Variants in RBM44 observed in about 807,000 individuals in gnomAD.
The protein encoded by RBM44 is RNA-binding protein 44.
A neutral mutation model predicts 105.1 loss-of-function variants in RBM44; 66 were observed. The ratio of observed to expected loss-of-function variants is 0.63; its 90% CI spans 0.52 to 0.77. RBM44 has a LOEUF of 0.77. Ranked by LOEUF, RBM44 falls within the 30% of genes least tolerant of loss-of-function variation. RBM44 has a pLI of 0.00. For missense variants in RBM44, 1,122 were observed against 1,207.8 expected, an observed-to-expected ratio of 0.93 and a Z score of 1.05; for synonymous variants, 365 against 417.6, an observed-to-expected ratio of 0.87 and a Z score of 1.54.
rs144084590 is a variant in RBM44 at position 237,802,949 on chromosome 2, A to G, written c.-19+4088A>G. On this transcript the variant is annotated intron_variant, in intron 1 of 15. Transcript: ENST00000316997. ...ATTCTAGTTTGTCCACATCCTCACC[A>G]ATATCTGGTGTTAGCACTCTTTTAA... Among the ~76,000 whole-genome samples the G allele has an allele frequency of 4.2e-3, 646 of 152,284 alleles. 3 individuals carry two copies. The highest frequency in any genetic ancestry group is 0.015 in the African/African-American group (618 of 41,564).
At chr2:237,807,269 C>T (rs2061608879) in intron 1 of RBM44, among the ~76,000 whole-genome samples, 1 of 152,142 alleles carries the variant, frequency 6.6e-6, no homozygotes, top group Non-Finnish European at 1.5e-5. Flanking sequence ...CTGCCTCAGC[C>T]TCCCTAGTAG....
Position 237,818,542 on chromosome 2 carries a change from A to G in RBM44, c.1623A>G (p.Ser541=), listed in dbSNP as rs183251955. The G allele has an allele frequency of 2.5e-6, 4 of 1,596,826 alleles. No individual in the cohort carries two copies. The East Asian group carries it at 6.7e-5, about 27-fold the overall frequency. The change falls in exon 3 of 16, where the codon TCA becomes TCG. Residue 541 remains serine, a synonymous_variant. Transcript: ENST00000316997. This position sits in a 1 kb window ranked among gnomAD's most constrained non-coding sequence, Gnocchi z 4.6. The part of the protein sequence containing the change: ...IDTQMAITKG[S]GKSLSVDSLK... The stretch of plus-strand genomic sequence containing the variant: ...CACAGATGGCTATAACAAAAGGATC[A>G]GGAAAATCTCTCTCCGTTGACAGTT...
intron 1 of RBM44, among the ~76,000 whole-genome samples, chr2:237,804,770 G>A (rs942304925): frequency 5.9e-5 from 9 of 152,086 alleles, no homozygotes; most frequent in Non-Finnish European, 1.2e-4. Context: ...TGTTGATAGT[G>A]TCTTTTGCTG....
At position 237,833,992 on chromosome 2, in the gene RBM44, T is replaced by C. The variant is rs142659174; in HGVS notation, c.2887-5T>C. ...TTTAAGAAAACTTTTTAAATGCTTATTTAGGGTGTCAAGAAGAATTGTAAG... is the reference window on the plus strand; with the variant it reads ...TTTAAGAAAACTTTTTAAATGCTTACTTAGGGTGTCAAGAAGAATTGTAAG... On this transcript the variant is annotated splice_region_variant and splice_polypyrimidine_tract_variant and intron_variant, in intron 13 of 15. Transcript: ENST00000316997. 4.6e-6 allele frequency: 7 copies of C among 1,512,750 alleles called. No homozygotes were observed. Among genetic ancestry groups the C allele is most frequent in the Middle Eastern group, 1.9e-4 (1 of 5,256 alleles). 93.7% of individuals were successfully genotyped at this position (1,512,750 alleles called of 1,614,324 possible).
intron 10 of RBM44, among the ~76,000 whole-genome samples, chr2:237,826,138 T>C (rs989610538): frequency 6.6e-6 from 1 of 152,122 alleles, no homozygotes; most frequent in Non-Finnish European, 1.5e-5. Context: ...AGTGTTAGGC[T>C]ACTCTTATAT....
intron 1 of RBM44, among the ~76,000 whole-genome samples, chr2:237,800,374 C>T (rs191537060): frequency 9.2e-5 from 14 of 152,228 alleles, no homozygotes; most frequent in Admixed American, 6.5e-4. Context: ...AGACCTCTAT[C>T]GCATACATGA....
intron 10 of RBM44, among the ~76,000 whole-genome samples, chr2:237,825,690 A>C (rs1378426800): frequency 6.6e-6 from 1 of 152,188 alleles, no homozygotes; most frequent in Non-Finnish European, 1.5e-5. Context: ...CAGGTACGGC[A>C]TGCAGCCCAT....
chr2:237,824,427 C>A lies in RBM44; in HGVS notation c.2449+8C>A. 6.2e-7 allele frequency: 1 copy of A among 1,610,158 alleles called. No homozygotes were observed. The highest frequency in any genetic ancestry group is 8.5e-7 in the Non-Finnish European group (1 of 1,177,728). ...ATTTGGATCTTACAGGAGGTTGGTT[C>A]TCAAGAATTTACCGAGAAATCCTAA... On this transcript the variant is annotated splice_region_variant and intron_variant, in intron 10 of 15. Coordinates refer to ENST00000316997, the MANE Select transcript of RBM44 (RefSeq NM_001080504.3).
In RBM44 at chr2:237,821,157, TGAAA is replaced by T; in HGVS notation, c.2005_2008del (p.Glu669LysfsTer16). 6.2e-7 allele frequency: 1 copy of T among 1,611,468 alleles called. No individual in the cohort carries two copies. Among genetic ancestry groups the T allele is most frequent in the African/African-American group, 1.3e-5 (1 of 74,880 alleles). ...GACTTAAAAGTTAGATATGTGACTT[TGAAA>T]GAAAAAATACACAAAGGCATACCAC... On this transcript the variant is annotated frameshift_variant, in exon 6 of 16. Coordinates refer to ENST00000316997, the MANE Select transcript of RBM44 (RefSeq NM_001080504.3). LOFTEE classifies it high-confidence loss of function.
Position 237,842,475 on chromosome 2 carries a change from A to G in RBM44, c.*659A>G, listed in dbSNP as rs2062021593. The G allele has an allele frequency of 6.6e-6, 1 of 152,114 alleles. No individual in the cohort carries two copies. The highest frequency in any genetic ancestry group is 1.5e-5 in the Non-Finnish European group (1 of 67,960). 9.4% of individuals were successfully genotyped at this position (152,114 alleles called of 1,614,324 possible). On this transcript the variant is annotated 3_prime_UTR_variant, in exon 16 of 16. Transcript: ENST00000316997. ...GGTAAACTTGTATGTGCTTTGGTAAAGTACTTAAATTCCAATGTTCCCTAT... is the reference window on the plus strand; with the variant it reads ...GGTAAACTTGTATGTGCTTTGGTAAGGTACTTAAATTCCAATGTTCCCTAT...
In RBM44 at chr2:237,817,477, G is replaced by A. The variant is rs1370371177; in HGVS notation, c.558G>A (p.Gln186=). The change falls in exon 3 of 16, where the codon CAG becomes CAA. Residue 186 remains glutamine (Q), a synonymous_variant. Transcript: ENST00000316997. Reference sequence around the variant, plus strand: ...ATGATACAGATGAAGACTCACAGCAGGAATATCACAGTGCAGAAGAACAAG... The same window carrying A: ...ATGATACAGATGAAGACTCACAGCAAGAATATCACAGTGCAGAAGAACAAG... The part of the protein sequence containing the change: ...QKHDTDEDSQ[Q]EYHSAEEQEY... 1 of 1,603,242 alleles carries A rather than the reference G, an allele frequency of 6.2e-7. No individual in the cohort carries two copies. Among genetic ancestry groups the A allele is most frequent in the Non-Finnish European group, 8.5e-7 (1 of 1,174,164 alleles).
chr2:237,821,594 A>G (rs1038827826), intron 7 of RBM44, 149 bp from the exon 8 acceptor site: 2 of 695,744 alleles, frequency 2.9e-6, no homozygotes, highest in Non-Finnish European at 4.9e-6. Context: ...CAGGATATCC[A>G]TCACCTTGTG....
intron 1 of RBM44, among the ~76,000 whole-genome samples, chr2:237,804,489 T>C (rs545550275): frequency 6.6e-6 from 1 of 152,326 alleles, no homozygotes; most frequent in East Asian, 1.9e-4. Context: ...CTGGCTGGTG[T>C]GAGATGGTAT....
chr2:237,809,545 C>T (rs747426554), intron 1 of RBM44, among the ~76,000 whole-genome samples: 3 of 152,184 alleles, frequency 2.0e-5, no homozygotes, highest in Non-Finnish European at 4.4e-5. Context: ...TGCTCCTTCT[C>T]ACTCTCCTTT....
intron 1 of RBM44, 135 bp from the exon 2 acceptor site, chr2:237,813,457 T>C (rs2061679140): frequency 2.0e-6 from 1 of 503,092 alleles, no homozygotes. Flanking sequence ...AAACTTCTTT[T>C]AGTGACCTAA....
At chr2:237,840,187 CA>C (rs34666443) in intron 15 of RBM44, among the ~76,000 whole-genome samples, 2,725 of 64,878 alleles carry the variant, frequency 0.042, 21 homozygotes, top group Middle Eastern at 0.071. Flanking sequence ...GACTCTATCT[CA>C]AAAAAAAAAA....
rs1236461942 is a variant in RBM44 at position 237,842,731 on chromosome 2, T to C, written c.*915T>C. 6.6e-6 allele frequency: 1 copy of C among 152,104 alleles called. No individual in the cohort carries two copies. The highest frequency in any genetic ancestry group is 1.5e-5 in the Non-Finnish European group (1 of 67,964). The allele number at this position is 152,104 out of a possible 1,614,324, so 9.4% of individuals were successfully genotyped here. On this transcript the variant is annotated 3_prime_UTR_variant, in exon 16 of 16. Transcript: ENST00000316997. ...TTATAGCATTCAATGTGTAGTTGGA[T>C]TTACTTGACTAAAAATTAGCCCTTT...
Position 237,818,361 on chromosome 2 carries a change from G to T in RBM44, c.1442G>T (p.Ser481Ile). The T allele has an allele frequency of 6.2e-7, 1 of 1,613,208 alleles. No individual in the cohort carries two copies. The highest frequency in any genetic ancestry group is 1.3e-5 in the African/African-American group (1 of 74,988). ...GATTTTAGGGCTTGTTTCACAACCA[G>T]CAGGGCAACAAGTGCAAGACCTTCT... ...STDFRACFTT[S>I]RATSARPSVV... Residue 481 changes from serine (S) to isoleucine (I), a missense_variant, in exon 3 of 16, where the codon AGC (serine) becomes ATC (isoleucine). Physicochemically the swap from Ser to Ile is moderately radical, Grantham distance 142 (BLOSUM62 -2). Coordinates refer to ENST00000316997, the MANE Select transcript of RBM44 (RefSeq NM_001080504.3). This position sits in a 1 kb window ranked among gnomAD's most constrained non-coding sequence, Gnocchi z 4.6.
At chr2:237,811,470 T>G (rs999266906) in intron 1 of RBM44, among the ~76,000 whole-genome samples, 4 of 152,024 alleles carry the variant, frequency 2.6e-5, no homozygotes, top group Non-Finnish European at 5.9e-5. Context: ...GGTTTTGCCA[T>G]GTTACCCAGG....
Sources: gnomAD v4.1 joint callset for allele counts (sites outside exome capture counted in the v4.1 genomes callset) on GRCh38, gnomAD v4.1.1 for gene constraint, Gnocchi (gnomAD v3.1) non-coding constraint, MANE v1.5 for transcripts, NCBI Gene and HGNC (gene_info 2026-07-23, HGNC 2026-07-21) for gene names.